The following PCLO variants were observed in gnomAD, a reference collection of about 807,000 sequenced individuals.
PCLO encodes piccolo presynaptic cytomatrix protein, also known as protein piccolo.
PCLO carries 82 observed loss-of-function variants against 427.5 expected under a neutral mutation model. The ratio of observed to expected loss-of-function variants is 0.19; its 90% CI spans 0.16 to 0.23. PCLO has a LOEUF of 0.23. Ranked by LOEUF, PCLO falls within the 10% of genes least tolerant of loss-of-function variation. The pLI is 1.00. For synonymous variants in PCLO, 2,357 were observed against 2,155.4 expected (o/e 1.09, Z -2.59); for missense variants, 6,239 against 6,115.9 (o/e 1.02, Z -0.67).
chr7:82,838,119 T>C (rs755150751), intron 15 of PCLO, 99 bp downstream of exon 15: 1 of 819,158 alleles, frequency 1.2e-6, no homozygotes, highest in Non-Finnish European at 1.9e-6. Context: ...AAGGAAAAGA[T>C]AATAAAGTCA....
At chr7:82,871,874 G>T (rs546572628) in intron 10 of PCLO, among the ~76,000 whole-genome samples, 130 of 151,688 alleles carry the variant, frequency 8.6e-4, no homozygotes, top group African/African-American at 3.1e-3. Context: ...TTTAAAAAAT[G>T]GTGCATAGGA....
At chr7:82,946,943 A>G (rs556362629) in intron 6 of PCLO, among the ~76,000 whole-genome samples, 2 of 152,192 alleles carry the variant, frequency 1.3e-5, no homozygotes, top group Non-Finnish European at 2.9e-5. Flanking sequence ...GCTCTGGTCT[A>G]TGATCCTCAT....
chr7:83,138,341 A>G (rs928683392), intron 2 of PCLO, among the ~76,000 whole-genome samples: 5 of 152,310 alleles, frequency 3.3e-5, no homozygotes, highest in Admixed American at 3.3e-4. Flanking sequence ...AGCACCTTCT[A>G]TAAGGCAAAT....
intron 3 of PCLO, among the ~76,000 whole-genome samples, chr7:83,064,186 A>T (rs1789607334): frequency 6.6e-6 from 1 of 152,038 alleles, no homozygotes; most frequent in Non-Finnish European, 1.5e-5. Context: ...AACCACAGGA[A>T]AATAAACACT....
chr7:83,149,230 C>A (rs1431637437), intron 2 of PCLO, among the ~76,000 whole-genome samples: 1 of 152,126 alleles, frequency 6.6e-6, no homozygotes, highest in East Asian at 1.9e-4. Context: ...GAAATTTATT[C>A]TTTGACTACT....
intron 22 of PCLO, among the ~76,000 whole-genome samples, chr7:82,784,665 T>C (rs1396219414): frequency 6.6e-6 from 1 of 152,208 alleles, no homozygotes; most frequent in Non-Finnish European, 1.5e-5. Flanking sequence ...ACTGTATTTC[T>C]TTTCAATTCA....
intron 20 of PCLO, among the ~76,000 whole-genome samples, chr7:82,806,600 T>C (rs898081311): frequency 3.3e-5 from 5 of 152,202 alleles, no homozygotes; most frequent in African/African-American, 1.2e-4. Context: ...AAGGCAAGTG[T>C]TTCCCTGATT....
intron 3 of PCLO, among the ~76,000 whole-genome samples, chr7:83,041,861 A>C (rs1788981829): frequency 6.6e-6 from 1 of 152,162 alleles, no homozygotes; most frequent in Non-Finnish European, 1.5e-5. Flanking sequence ...AACTAAATTT[A>C]ATCAGAAAGT....
At chr7:82,758,742 T>C (rs1291209402) in intron 24 of PCLO, 27 bp from the exon 25 acceptor site, 3 of 1,388,532 alleles carry the variant, frequency 2.2e-6, no homozygotes, top group Non-Finnish European at 3.0e-6. Context: ...AAAATAAACA[T>C]ATTTAATTTA....
At chr7:82,775,317 GTT>G in intron 22 of PCLO, among the ~76,000 whole-genome samples, 1 of 152,252 alleles carries the variant, frequency 6.6e-6, no homozygotes, top group South Asian at 2.1e-4. Context: ...TCGCCAAACT[GTT>G]TTCCAAAGTG....
chr7:83,089,589 C>T (rs140357046), intron 3 of PCLO, among the ~76,000 whole-genome samples: 7 of 152,316 alleles, frequency 4.6e-5, no homozygotes, highest in African/African-American at 7.2e-5. Context: ...ACAATCTTTG[C>T]TAACCACAAT....
intron 9 of PCLO, among the ~76,000 whole-genome samples, chr7:82,893,275 G>T (rs1161106520): frequency 1.3e-5 from 2 of 152,108 alleles, no homozygotes; most frequent in Non-Finnish European, 2.9e-5. Context: ...CCTTTGTAGG[G>T]ACATGGATGA....
Position 83,134,557 on chromosome 7 carries a change from T to G in PCLO, c.2993A>C (p.Lys998Thr), listed in dbSNP as rs759008624. 6.2e-7 allele frequency: 1 copy of G among 1,613,898 alleles called. No homozygotes were observed. The highest frequency in any genetic ancestry group is 8.5e-7 in the Non-Finnish European group (1 of 1,179,870). ...TTCAGCTGCTGGGGCTTTTGTTTCC[T>G]TTTTCACAGGTATACTTTTTGCAGG... is the stretch of plus-strand genomic sequence containing the variant. ...PAPAKSIPVK[K>T]ETKAPAAEKL... Residue 998 changes from lysine to threonine, a missense_variant, in exon 3 of 25, where the codon AAG becomes ACG. Lys to Thr is a moderately conservative substitution (Grantham distance 78). Around this residue, in one of 5 missense-constraint regions of PCLO, gnomAD observed 4,677 missense variants for 4,468.4 expected, o/e 1.05. Coordinates refer to ENST00000333891, the MANE Select transcript of PCLO (RefSeq NM_033026.6).
intron 22 of PCLO, among the ~76,000 whole-genome samples, chr7:82,772,551 C>T (rs17156658): frequency 0.064 from 9,675 of 151,974 alleles, 709 homozygotes; most frequent in African/African-American, 0.18. Flanking sequence ...CCAGATTCAA[C>T]GAGATATTTT....
In PCLO at chr7:82,949,625, T is replaced by C. The variant is rs1446504596; in HGVS notation, c.10963A>G (p.Lys3655Glu). 6.2e-7 allele frequency: 1 copy of C among 1,613,940 alleles called. No individual in the cohort carries two copies. Among genetic ancestry groups the C allele is most frequent in the Non-Finnish European group, 8.5e-7 (1 of 1,179,866 alleles). The change falls in exon 6 of 25, where the codon AAA becomes GAA. Residue 3655 changes from lysine (K) to glutamate (E), a missense_variant. By Grantham distance (56) the Lys-to-Glu change is moderately conservative. This residue lies in a region of PCLO where 4,677 missense variants were observed against 4,468.4 expected (regional missense o/e 1.05). Coordinates refer to ENST00000333891, the MANE Select transcript of PCLO (RefSeq NM_033026.6). ...TTAGCCATATCTGGATGCAGTACTT[T>C]CTGTGGACTTATATCATCAGGGAGG... is the stretch of plus-strand genomic sequence containing the variant. ...KPLPDDISPQ[K>E]VLHPDMAKVP...
At chr7:83,026,073 C>A (rs1788487305) in intron 3 of PCLO, among the ~76,000 whole-genome samples, 1 of 151,474 alleles carries the variant, frequency 6.6e-6, no homozygotes, top group Non-Finnish European at 1.5e-5. Flanking sequence ...CAGCTAACAT[C>A]ATCATGACAG....
intron 3 of PCLO, among the ~76,000 whole-genome samples, chr7:83,115,131 GA>G (rs996206115): frequency 6.6e-6 from 1 of 151,646 alleles, no homozygotes; most frequent in African/African-American, 2.4e-5. Flanking sequence ...TATGTAAATA[GA>G]AAAAAAATAT....
At chr7:83,080,856 A>T (rs1485790146) in intron 3 of PCLO, among the ~76,000 whole-genome samples, 3 of 151,980 alleles carry the variant, frequency 2.0e-5, no homozygotes, top group Non-Finnish European at 2.9e-5. Context: ...CTTTTTCCCC[A>T]TATATACATA....
Position 82,917,846 on chromosome 7 carries a change from AAG to A in PCLO, c.11113-975_11113-974del, listed in dbSNP as rs571198451. 1.8e-4 allele frequency among the ~76,000 whole-genome samples: 27 copies of A among 152,148 alleles called. No homozygotes were observed. In the East Asian group the frequency reaches 3.3e-3, roughly 18 times the overall value. On this transcript the variant is annotated intron_variant, in intron 6 of 24. Coordinates refer to ENST00000333891, the MANE Select transcript of PCLO (RefSeq NM_033026.6). ...ATTGAGAGTAGAAAATAGAAAAAAT[AAG>A]AGTCTATAAATATTGTACCTGAAAA... is the stretch of plus-strand genomic sequence containing the variant.
Sources: gnomAD v4.1 joint callset for allele counts (sites outside exome capture counted in the v4.1 genomes callset) on GRCh38, gnomAD v4.1.1 for gene constraint, gnomAD v4.1.1 regional missense constraint, MANE v1.5 for transcripts, NCBI Gene and HGNC (gene_info 2026-07-23, HGNC 2026-07-21) for gene names.